The following MAN2A1 variants were observed in gnomAD, a reference collection of about 807,000 sequenced individuals.
The protein encoded by MAN2A1 is alpha-mannosidase 2.
MAN2A1 carries 76 observed loss-of-function variants against 142.6 expected under a neutral mutation model. The observed-to-expected ratio is 0.53, with a 90% CI of 0.44 to 0.65. MAN2A1 has a LOEUF of 0.65. MAN2A1 is among the 30% of genes least tolerant of loss of function. MAN2A1 has a pLI of 0.00. For missense variants in MAN2A1, 1,311 were observed against 1,365.1 expected (o/e 0.96, Z 0.62); for synonymous variants, 559 against 473.2 (o/e 1.18, Z -2.35).
chr5:109,734,439 T>G (rs1198939237), intron 4 of MAN2A1, among the ~76,000 whole-genome samples: 1 of 152,126 alleles, frequency 6.6e-6, no homozygotes, highest in Non-Finnish European at 1.5e-5. Flanking sequence ...CTCTTGTTTC[T>G]CTAGTTCTTT....
intron 19 of MAN2A1, among the ~76,000 whole-genome samples, chr5:109,848,302 C>T (rs866383856): frequency 6.6e-6 from 1 of 152,290 alleles, no homozygotes; most frequent in Middle Eastern, 3.4e-3. Flanking sequence ...AATGGTCTGG[C>T]AAAAGCCCAG....
At chr5:109,796,736 C>T (rs1426370249) in intron 12 of MAN2A1, among the ~76,000 whole-genome samples, 2 of 152,180 alleles carry the variant, frequency 1.3e-5, no homozygotes, top group African/African-American at 4.8e-5. Flanking sequence ...AGACTGAATA[C>T]CAATCAGGCA....
intron 12 of MAN2A1, among the ~76,000 whole-genome samples, chr5:109,790,414 T>A (rs1373205403): frequency 6.6e-6 from 1 of 151,898 alleles, no homozygotes; most frequent in Non-Finnish European, 1.5e-5. Flanking sequence ...TTGTCTAAAT[T>A]TCTTTAGTAA....
intron 1 of MAN2A1, among the ~76,000 whole-genome samples, chr5:109,695,594 C>T (rs1211389034): frequency 6.6e-6 from 1 of 152,106 alleles, no homozygotes; most frequent in African/African-American, 2.4e-5. Flanking sequence ...CTTCTGTAAT[C>T]TTTAAGAAAA....
chr5:109,711,312 A>G (rs1302154810), intron 1 of MAN2A1, among the ~76,000 whole-genome samples: 1 of 152,204 alleles, frequency 6.6e-6, no homozygotes, highest in Non-Finnish European at 1.5e-5. Flanking sequence ...TATTGGAATT[A>G]TTCAACAGAA....
At chr5:109,764,937 A>G (rs1358499664) in intron 5 of MAN2A1, among the ~76,000 whole-genome samples, 2 of 152,154 alleles carry the variant, frequency 1.3e-5, no homozygotes, top group Non-Finnish European at 2.9e-5. Flanking sequence ...ATTGATTCAT[A>G]TGTATATTTT....
intron 16 of MAN2A1, among the ~76,000 whole-genome samples, chr5:109,826,673 T>C (rs1426710215): frequency 1.3e-5 from 2 of 152,238 alleles, no homozygotes; most frequent in Non-Finnish European, 2.9e-5. Flanking sequence ...TCCTGGCTGA[T>C]TGTGGTTTTA....
At chr5:109,762,610 A>G (rs910202170) in intron 5 of MAN2A1, among the ~76,000 whole-genome samples, 39 of 152,106 alleles carry the variant, frequency 2.6e-4, no homozygotes, top group African/African-American at 9.2e-4. Flanking sequence ...GCAATGTGGC[A>G]GGGTCAGTCT....
intron 12 of MAN2A1, among the ~76,000 whole-genome samples, chr5:109,807,588 G>T (rs879592348): frequency 1.3e-5 from 2 of 152,044 alleles, no homozygotes; most frequent in African/African-American, 2.4e-5. Flanking sequence ...CATCCACTTG[G>T]TTCTGTTGTC....
chr5:109,704,104 G>A (rs1259333909), intron 1 of MAN2A1, among the ~76,000 whole-genome samples: 1 of 152,148 alleles, frequency 6.6e-6, no homozygotes, highest in Non-Finnish European at 1.5e-5. Flanking sequence ...AGTGATTCTG[G>A]CAGCTACTAA....
intron 5 of MAN2A1, among the ~76,000 whole-genome samples, chr5:109,764,066 G>T (rs1047867040): frequency 6.6e-6 from 1 of 152,066 alleles, no homozygotes; most frequent in African/African-American, 2.4e-5. Flanking sequence ...CTCCCAAAGT[G>T]CTGGGATTAC....
intron 9 of MAN2A1, 130 bp downstream of exon 9, chr5:109,781,728 A>C: frequency 2.1e-6 from 1 of 477,392 alleles, no homozygotes; most frequent in Non-Finnish European, 3.4e-6. Flanking sequence ...TTAAGCACTT[A>C]GTGTAATTGT....
chr5:109,732,075 C>G (rs1415180201), intron 4 of MAN2A1, among the ~76,000 whole-genome samples: 1 of 151,914 alleles, frequency 6.6e-6, no homozygotes, highest in African/African-American at 2.4e-5. Context: ...GAGATGGTAT[C>G]TCATTGTGGT....
At chr5:109,700,658 C>T (rs1470761436) in intron 1 of MAN2A1, among the ~76,000 whole-genome samples, 2 of 152,130 alleles carry the variant, frequency 1.3e-5, no homozygotes. Context: ...ATGAAAAATT[C>T]AGGCACAGAA....
intron 10 of MAN2A1, among the ~76,000 whole-genome samples, chr5:109,785,974 G>A (rs137869379): frequency 2.4e-3 from 369 of 152,150 alleles, no homozygotes; most frequent in Middle Eastern, 0.014. Context: ...ACTAATTGTA[G>A]TAAATGTTAA....
At chr5:109,820,617 T>C (rs1754598024) in intron 15 of MAN2A1, among the ~76,000 whole-genome samples, 1 of 152,114 alleles carries the variant, frequency 6.6e-6, no homozygotes, top group South Asian at 2.1e-4. Context: ...AAGACCAGCC[T>C]GGGCAACATG....
At chr5:109,703,286 A>G (rs1000551885) in intron 1 of MAN2A1, among the ~76,000 whole-genome samples, 4 of 152,244 alleles carry the variant, frequency 2.6e-5, no homozygotes, top group Admixed American at 1.3e-4. Flanking sequence ...CTAACATGCA[A>G]TACATGGCAT....
At chr5:109,795,972 C>T (rs1753847487) in intron 12 of MAN2A1, among the ~76,000 whole-genome samples, 1 of 152,184 alleles carries the variant, frequency 6.6e-6, no homozygotes, top group Non-Finnish European at 1.5e-5. Context: ...GTACTTCCCT[C>T]CCTCCAGTCT....
chr5:109,820,024 C>T, intron 14 of MAN2A1, 137 bp downstream of exon 14: 1 of 799,704 alleles, frequency 1.3e-6, no homozygotes, highest in Non-Finnish European at 2.0e-6. Context: ...GAAGCATGAG[C>T]TTTTTGCACC....
Sources: allele counts gnomAD v4.1 joint callset (sites outside exome capture counted in the v4.1 genomes callset), GRCh38; gene constraint gnomAD v4.1.1; transcripts MANE v1.5; gene names NCBI Gene and HGNC (gene_info 2026-07-23, HGNC 2026-07-21).